Variants in PLEKHM3 observed in about 807,000 individuals in gnomAD.
PLEKHM3 encodes the protein pleckstrin homology domain-containing family M member 3.
PLEKHM3 carries 45 observed loss-of-function variants against 81.8 expected under a neutral mutation model. The ratio of observed to expected loss-of-function variants is 0.55; its 90% confidence interval spans 0.43 to 0.71. The LOEUF is 0.71. Ranked by LOEUF, PLEKHM3 falls within the 30% of genes least tolerant of loss-of-function variation. The pLI is 0.00. For missense variants in PLEKHM3, 788 were observed against 924.3 expected, an observed-to-expected ratio of 0.85 and a Z score of 1.91; for synonymous variants, 352 against 356.4, an observed-to-expected ratio of 0.99 and a Z score of 0.14.
intron 3 of PLEKHM3, among the ~76,000 whole-genome samples, chr2:207,949,607 A>G (rs1690263708): frequency 6.6e-6 from 1 of 152,246 alleles, no homozygotes; most frequent in South Asian, 2.1e-4. Flanking sequence ...GGAACTTAAT[A>G]TATCCTAGAC....
chr2:207,834,513 C>T (rs1327718960), intron 7 of PLEKHM3, among the ~76,000 whole-genome samples: 1 of 151,534 alleles, frequency 6.6e-6, no homozygotes, highest in East Asian at 1.9e-4. Flanking sequence ...GCAACCTCCA[C>T]CTCCTGGGTT....
chr2:207,844,767 A>C (rs2092374304), intron 7 of PLEKHM3, among the ~76,000 whole-genome samples: 1 of 152,110 alleles, frequency 6.6e-6, no homozygotes, highest in African/African-American at 2.4e-5. Context: ...TTTGCCCCCC[A>C]GGTTGGTTTG....
chr2:207,928,933 T>C (rs892189446), intron 5 of PLEKHM3, among the ~76,000 whole-genome samples: 3 of 152,218 alleles, frequency 2.0e-5, no homozygotes, highest in Non-Finnish European at 2.9e-5. Flanking sequence ...GGGTCAGACA[T>C]TGCGCTAAGT....
chr2:208,007,254 A>T (rs1692523705), intron 1 of PLEKHM3, among the ~76,000 whole-genome samples: 1 of 152,230 alleles, frequency 6.6e-6, no homozygotes. Flanking sequence ...GATGGTCCAC[A>T]TTGAGGGCGT....
chr2:207,822,314 G>A lies in PLEKHM3; in HGVS notation c.*6005C>T, dbSNP rs1341655630. The A allele has an allele frequency of 6.6e-6, 1 of 152,628 alleles. No individual in the cohort carries two copies. The highest frequency in any genetic ancestry group is 2.4e-5 in the African/African-American group (1 of 41,454). The allele number at this position is 152,628 out of a possible 1,614,324, so 9.5% of individuals were successfully genotyped here. ...CAAAATAAAAAGAAAACCTTTGAAA[G>A]GTGAAAGATAAGAAAATCCTTGTGT... On this transcript the variant is annotated 3_prime_UTR_variant, in exon 8 of 8. Coordinates refer to ENST00000427836, the MANE Select transcript of PLEKHM3 (RefSeq NM_001080475.3).
At chr2:208,009,360 G>A (rs2106109237) in intron 1 of PLEKHM3, among the ~76,000 whole-genome samples, 1 of 152,162 alleles carries the variant, frequency 6.6e-6, no homozygotes, top group Non-Finnish European at 1.5e-5. Context: ...AAGCTTTTTT[G>A]GGTCCCTGAT....
At chr2:207,992,910 T>G (rs893622673) in intron 2 of PLEKHM3, among the ~76,000 whole-genome samples, 3 of 152,040 alleles carry the variant, frequency 2.0e-5, no homozygotes, top group African/African-American at 7.2e-5. Context: ...CTTTCAAAAA[T>G]GGCAAAAAGG....
intron 5 of PLEKHM3, among the ~76,000 whole-genome samples, chr2:207,917,387 C>A (rs1309865672): frequency 6.6e-6 from 1 of 152,216 alleles, no homozygotes; most frequent in Non-Finnish European, 1.5e-5. Context: ...TTTAATGAGA[C>A]TAATTTAGTG....
chr2:207,968,066 G>A (rs980452321), intron 3 of PLEKHM3, among the ~76,000 whole-genome samples: 12 of 151,788 alleles, frequency 7.9e-5, no homozygotes, highest in Non-Finnish European at 1.5e-5. Context: ...TACAATCTCT[G>A]ATAACCCAAG....
At chr2:207,882,886 T>C (rs1687745504) in intron 6 of PLEKHM3, among the ~76,000 whole-genome samples, 1 of 152,032 alleles carries the variant, frequency 6.6e-6, no homozygotes, top group African/African-American at 2.4e-5. Context: ...GTAGTTGGGA[T>C]TACAGGTGCC....
At chr2:207,946,309 T>G in intron 4 of PLEKHM3, 58 bp downstream of exon 4, 17 of 1,556,076 alleles carry the variant, frequency 1.1e-5, no homozygotes, top group Non-Finnish European at 1.5e-5. Context: ...ATAATCCACC[T>G]GAGAACATAT....
At chr2:207,868,720 C>T (rs2092516283) in intron 6 of PLEKHM3, 1 of 152,144 alleles carries the variant, frequency 6.6e-6, no homozygotes, top group South Asian at 2.1e-4. Flanking sequence ...AGACTCATTC[C>T]TCCTTTTAAA....
At chr2:207,830,066 T>G (rs2092276763) in intron 7 of PLEKHM3, among the ~76,000 whole-genome samples, 1 of 152,046 alleles carries the variant, frequency 6.6e-6, no homozygotes, top group African/African-American at 2.4e-5. Flanking sequence ...TGTATGTGGG[T>G]GTGTGCGTGC....
At chr2:207,989,460 A>T (rs1210954477) in intron 2 of PLEKHM3, among the ~76,000 whole-genome samples, 1 of 152,204 alleles carries the variant, frequency 6.6e-6, no homozygotes, top group East Asian at 1.9e-4. Context: ...GTGGGCCTTC[A>T]CTTAGATTTT....
At chr2:207,895,681 T>C (rs1317870114) in intron 6 of PLEKHM3, among the ~76,000 whole-genome samples, 3 of 152,190 alleles carry the variant, frequency 2.0e-5, no homozygotes, top group Non-Finnish European at 2.9e-5. Context: ...AACTCACAGT[T>C]CACCAGATAA....
intron 4 of PLEKHM3, among the ~76,000 whole-genome samples, chr2:207,941,103 G>A (rs1689925818): frequency 6.6e-6 from 1 of 152,124 alleles, no homozygotes; most frequent in African/African-American, 2.4e-5. Flanking sequence ...TATTAGAAAA[G>A]GACATAAGCC....
intron 1 of PLEKHM3, among the ~76,000 whole-genome samples, chr2:208,022,081 G>C (rs188234086): frequency 2.0e-5 from 3 of 152,278 alleles, no homozygotes; most frequent in Admixed American, 6.5e-5. Context: ...CAAAAGGTAG[G>C]AGCATCATTG....
chr2:207,920,976 C>A (rs558099363), intron 5 of PLEKHM3, among the ~76,000 whole-genome samples: 57 of 152,236 alleles, frequency 3.7e-4, no homozygotes, highest in African/African-American at 1.3e-3. Flanking sequence ...CACCTCCCTG[C>A]CTTCCTTTAC....
At chr2:207,938,588 G>T (rs916389183) in intron 4 of PLEKHM3, among the ~76,000 whole-genome samples, 1 of 152,174 alleles carries the variant, frequency 6.6e-6, no homozygotes, top group Admixed American at 6.5e-5. Flanking sequence ...TGATATCTGA[G>T]AAAAGACAGC....
Sources: gnomAD v4.1 joint callset for allele counts (sites outside exome capture counted in the v4.1 genomes callset) on GRCh38, gnomAD v4.1.1 for gene constraint, MANE v1.5 for transcripts, NCBI Gene and HGNC (gene_info 2026-07-23, HGNC 2026-07-21) for gene names.